Variants in ACCSL observed in about 807,000 individuals in gnomAD.
The protein encoded by ACCSL is probable inactive 1-aminocyclopropane-1-carboxylate synthase-like protein 2.
A neutral mutation model predicts 61.7 loss-of-function variants in ACCSL; 55 were observed. That is an observed-to-expected ratio of 0.89 (90% CI 0.72 to 1.12). The LOEUF (loss-of-function observed/expected upper bound fraction) is 1.12, where lower values mean the gene tolerates loss of function less well. ACCSL is among the 50% of genes most tolerant of loss of function. The pLI is 0.00. For synonymous variants in ACCSL, 258 were observed against 264.3 expected (o/e 0.98, Z 0.23); for missense variants, 632 against 698.0 (o/e 0.91, Z 1.07).
chr11:43,988,212 A>T, the ACCSL span, among the ~76,000 whole-genome samples: 37 of 152,014 alleles, frequency 2.4e-4, no homozygotes, highest in South Asian at 6.2e-4. Flanking sequence ...GCTGTTAGGG[A>T]TCTCTGTTCC....
the ACCSL span, among the ~76,000 whole-genome samples, chr11:43,923,982 A>T: frequency 6.6e-6 from 1 of 152,288 alleles, no homozygotes; most frequent in East Asian, 1.9e-4. Flanking sequence ...GACAGTCCCT[A>T]TTCTCATGTG....
At chr11:43,921,324 C>T in the ACCSL span, among the ~76,000 whole-genome samples, 1 of 152,142 alleles carries the variant, frequency 6.6e-6, no homozygotes, top group Non-Finnish European at 1.5e-5. Context: ...CTGACAAGCT[C>T]TCTGGCTCCT....
chr11:44,057,612 C>T (rs901326257), intron 11 of ACCSL, among the ~76,000 whole-genome samples: 2 of 152,230 alleles, frequency 1.3e-5, no homozygotes, highest in Non-Finnish European at 1.5e-5. Flanking sequence ...TGGCCAAGAG[C>T]ATCCCCAGGC....
At chr11:43,934,647 G>T in the ACCSL span, among the ~76,000 whole-genome samples, 1 of 152,168 alleles carries the variant, frequency 6.6e-6, no homozygotes, top group African/African-American at 2.4e-5. Flanking sequence ...ATGGCCAGTT[G>T]CCCAGTGCAT....
chr11:44,035,771 C>T, the ACCSL span, among the ~76,000 whole-genome samples: 1 of 151,698 alleles, frequency 6.6e-6, no homozygotes, highest in Non-Finnish European at 1.5e-5. Flanking sequence ...AACCTTGTCT[C>T]TACTAAAAAT....
chr11:43,941,998 A>G, the ACCSL span, among the ~76,000 whole-genome samples: 1 of 151,128 alleles, frequency 6.6e-6, no homozygotes, highest in East Asian at 2.0e-4. Context: ...GAAGGGAAGA[A>G]CCGGAATGGA....
chr11:43,969,888 A>AGTGG, the ACCSL span, among the ~76,000 whole-genome samples: 7,869 of 152,052 alleles, frequency 0.052, 308 homozygotes, highest in Non-Finnish European at 0.069. Context: ...CAACCCCCTG[A>AGTGG]GTGGGTTTCC....
the ACCSL span, chr11:43,943,299 G>A: frequency 4.8e-6 from 7 of 1,457,352 alleles, no homozygotes; most frequent in Non-Finnish European, 6.3e-6. The surrounding 1 kb of genome is among the most constrained non-coding windows in gnomAD (Gnocchi z 4.8). Context: ...GGGGGGACGC[G>A]CGCGTCCGCG....
At chr11:44,034,044 G>A in the ACCSL span, among the ~76,000 whole-genome samples, 1 of 152,252 alleles carries the variant, frequency 6.6e-6, no homozygotes, top group South Asian at 2.1e-4. Flanking sequence ...GGCTTGGGCT[G>A]TCATTGTGCA....
the ACCSL span, among the ~76,000 whole-genome samples, chr11:43,931,806 G>A: frequency 6.6e-6 from 1 of 152,200 alleles, no homozygotes; most frequent in African/African-American, 2.4e-5. Context: ...TTGCCATCTT[G>A]AATAAAGTAG....
chr11:43,972,908 C>T, the ACCSL span, among the ~76,000 whole-genome samples: 5 of 152,144 alleles, frequency 3.3e-5, no homozygotes, highest in East Asian at 7.7e-4. Flanking sequence ...TTTGGGAGGC[C>T]GAGGCAGGAG....
chr11:44,005,425 T>C, the ACCSL span, among the ~76,000 whole-genome samples: 1 of 151,932 alleles, frequency 6.6e-6, no homozygotes, highest in East Asian at 1.9e-4. Flanking sequence ...GGGGTTCCAC[T>C]ATGGGGAGGG....
chr11:43,942,867 G>A, the ACCSL span: 1,107 of 1,252,834 alleles, frequency 8.8e-4, no homozygotes, highest in African/African-American at 1.1e-3. Context: ...GAGAGCCCCG[G>A]CGCCCCGCCG....
At chr11:43,986,834 C>T in the ACCSL span, among the ~76,000 whole-genome samples, 1 of 152,214 alleles carries the variant, frequency 6.6e-6, no homozygotes, top group Non-Finnish European at 1.5e-5. Context: ...ACAGGGTTTG[C>T]GGTGCAAATT....
At chr11:44,050,680 A>G (rs1952631436) in intron 3 of ACCSL, 58 bp downstream of exon 3, 1 of 1,551,208 alleles carries the variant, frequency 6.4e-7, no homozygotes, top group South Asian at 1.2e-5. Flanking sequence ...CCTTATCCAG[A>G]AGGAGGATTC....
chr11:44,002,165 C>T, the ACCSL span, among the ~76,000 whole-genome samples: 1 of 152,144 alleles, frequency 6.6e-6, no homozygotes, highest in Admixed American at 6.5e-5. Flanking sequence ...GGTCCTCCTT[C>T]CTCCTGTGTT....
chr11:43,949,917 A>G, the ACCSL span, among the ~76,000 whole-genome samples: 2,772 of 152,316 alleles, frequency 0.018, 91 homozygotes, highest in African/African-American at 0.064. Context: ...CTTTACCCTA[A>G]AACAATTCTG....
the ACCSL span, chr11:43,943,208 G>C: frequency 6.6e-7 from 1 of 1,526,470 alleles, no homozygotes; most frequent in South Asian, 1.2e-5. The surrounding 1 kb of genome is among the most constrained non-coding windows in gnomAD (Gnocchi z 4.8). Flanking sequence ...GCTGCAGCGG[G>C]AGCAGCTCAG....
chr11:44,010,827 G>T, the ACCSL span, among the ~76,000 whole-genome samples: 15 of 152,308 alleles, frequency 9.8e-5, no homozygotes, highest in Middle Eastern at 6.8e-3. Context: ...GTATAACTGA[G>T]TCGGGTCTTG....
Sources: allele counts gnomAD v4.1 joint callset (sites outside exome capture counted in the v4.1 genomes callset), GRCh38; gene constraint gnomAD v4.1.1; non-coding constraint Gnocchi (gnomAD v3.1); transcripts MANE v1.5; gene names NCBI Gene and HGNC (gene_info 2026-07-23, HGNC 2026-07-21).